FER: variants seen among roughly 807,000 people sequenced by gnomAD.
The protein encoded by FER is tyrosine-protein kinase Fer.
Under a neutral mutation model 111.0 loss-of-function variants are expected in FER, and 63 were observed. The ratio of observed to expected loss-of-function variants is 0.57; its 90% CI spans 0.46 to 0.70. FER has a LOEUF of 0.70. Ranked by LOEUF, FER falls within the 30% of genes least tolerant of loss-of-function variation. The probability of loss-of-function intolerance (pLI) is 0.00; values close to 1 mark genes in which losing one functional copy is unlikely to be tolerated. For missense variants in FER, 914 were observed against 954.0 expected (o/e 0.96, Z 0.55); for synonymous variants, 327 against 313.9 (o/e 1.04, Z -0.44).
intron 13 of FER, among the ~76,000 whole-genome samples, chr5:109,030,694 C>A (rs537614598): frequency 2.0e-5 from 3 of 152,240 alleles, no homozygotes; most frequent in Admixed American, 6.5e-5. Flanking sequence ...GTTTGGTAGA[C>A]TTCTCCTGCC....
At chr5:108,928,458 C>A (rs1754094445) in intron 10 of FER, among the ~76,000 whole-genome samples, 1 of 151,978 alleles carries the variant, frequency 6.6e-6, no homozygotes, top group South Asian at 2.1e-4. Flanking sequence ...TTCGTGAGTT[C>A]TTGAAATGTA....
In FER at chr5:109,196,138, AT is replaced by A. The variant is rs1759731865; in HGVS notation, c.*8564del. 1 of 152,216 alleles carries A rather than the reference AT, an allele frequency of 6.6e-6. No individual in the cohort carries two copies. Among genetic ancestry groups the A allele is most frequent in the Non-Finnish European group, 1.5e-5 (1 of 68,042 alleles). 9.4% of individuals were successfully genotyped at this position (152,216 alleles called of 1,614,324 possible). ...CAAGCAAATTGAAAGCCAAGACAAA[AT>A]GTACAAATGGTGCCCATGCCATTCA... On this transcript the variant is annotated 3_prime_UTR_variant, in exon 20 of 20. Coordinates refer to ENST00000281092, the MANE Select transcript of FER (RefSeq NM_005246.4).
At chr5:108,775,126 C>T (rs962630038) in intron 2 of FER, among the ~76,000 whole-genome samples, 1 of 152,136 alleles carries the variant, frequency 6.6e-6, no homozygotes, top group Admixed American at 6.6e-5. Flanking sequence ...CCAGTTTTCT[C>T]AGCACCATTT....
At chr5:108,851,556 TA>T (rs997118379) in intron 5 of FER, among the ~76,000 whole-genome samples, 7 of 151,678 alleles carry the variant, frequency 4.6e-5, no homozygotes, top group Non-Finnish European at 8.8e-5. Flanking sequence ...TTGTTCAAAG[TA>T]AAAAAAACAA....
intron 10 of FER, among the ~76,000 whole-genome samples, chr5:108,934,994 G>A (rs1267045809): frequency 6.6e-6 from 1 of 152,108 alleles, no homozygotes; most frequent in Non-Finnish European, 1.5e-5. Flanking sequence ...TGTGAATCAT[G>A]CAATTCTTAA....
intron 1 of FER, among the ~76,000 whole-genome samples, chr5:108,753,797 A>G (rs1436643665): frequency 6.6e-6 from 1 of 152,194 alleles, no homozygotes; most frequent in Non-Finnish European, 1.5e-5. Context: ...ATACAGTTTA[A>G]ATGGGCAGAC....
chr5:109,034,963 G>A (rs1426917512), intron 13 of FER, among the ~76,000 whole-genome samples: 1 of 147,616 alleles, frequency 6.8e-6, no homozygotes, highest in African/African-American at 2.5e-5. Context: ...TTATGGATGT[G>A]TAATTTATAT....
At position 109,190,162 on chromosome 5, in the gene FER, T is replaced by C. The variant is rs1759276622; in HGVS notation, c.*2587T>C. On this transcript the variant is annotated 3_prime_UTR_variant, in exon 20 of 20. Coordinates refer to ENST00000281092, the MANE Select transcript of FER (RefSeq NM_005246.4). ...CTGATAATTAATTATTGGAATTATA[T>C]ACTTTAGGAGGCTAATCCATGCCCA... 6.6e-6 allele frequency: 1 copy of C among 152,168 alleles called. No individual in the cohort carries two copies. The highest frequency in any genetic ancestry group is 2.1e-4 in the South Asian group (1 of 4,836). The allele number at this position is 152,168 out of a possible 1,614,324, so 9.4% of individuals were successfully genotyped here. A position where few individuals can be genotyped will look rare whatever the true frequency, so the allele number is the denominator to read the frequency against.
chr5:109,125,459 A>T (rs1432190016), intron 17 of FER, among the ~76,000 whole-genome samples: 1 of 152,214 alleles, frequency 6.6e-6, no homozygotes, highest in East Asian at 1.9e-4. Flanking sequence ...AACATCTGTG[A>T]CTAAGTTCAC....
intron 17 of FER, among the ~76,000 whole-genome samples, chr5:109,127,682 G>GC (rs1413509007): frequency 6.6e-6 from 1 of 152,044 alleles, no homozygotes; most frequent in Non-Finnish European, 1.5e-5. Context: ...TGGGATTACA[G>GC]CGTGAGCCAC....
At chr5:108,998,729 C>G (rs1764334611) in intron 13 of FER, among the ~76,000 whole-genome samples, 1 of 152,018 alleles carries the variant, frequency 6.6e-6, no homozygotes, top group Non-Finnish European at 1.5e-5. Context: ...TGGTTTTTGT[C>G]TTTAGTTCTG....
intron 8 of FER, among the ~76,000 whole-genome samples, chr5:108,878,112 G>A (rs35767331): frequency 0.057 from 8,665 of 152,028 alleles, 346 homozygotes; most frequent in Non-Finnish European, 0.082. Flanking sequence ...TCACCATGTT[G>A]GCCAGGCTGG....
chr5:109,003,723 T>C (rs1050178288), intron 13 of FER, among the ~76,000 whole-genome samples: 4 of 152,162 alleles, frequency 2.6e-5, no homozygotes, highest in African/African-American at 9.7e-5. Flanking sequence ...CTCTTACATG[T>C]AATCCCAGCA....
Position 109,191,308 on chromosome 5 carries a change from T to C in FER, c.*3733T>C, listed in dbSNP as rs145514693. The C allele has an allele frequency of 6.1e-3, 935 of 152,322 alleles. 10 individuals carry two copies. The highest frequency in any genetic ancestry group is 0.022 in the African/African-American group (900 of 41,570). 9.4% of individuals were successfully genotyped at this position (152,322 alleles called of 1,614,324 possible). A position where few individuals can be genotyped will look rare whatever the true frequency, so the allele number is the denominator to read the frequency against. On this transcript the variant is annotated 3_prime_UTR_variant, in exon 20 of 20. Transcript: ENST00000281092. The stretch of plus-strand genomic sequence containing the variant: ...ATGTACCTGAAAACCTTACTTAGTA[T>C]ACTGTGTACACTGTTTAATGGCCAT...
intron 16 of FER, among the ~76,000 whole-genome samples, chr5:109,067,506 A>G (rs540062411): frequency 5.9e-4 from 90 of 152,130 alleles, no homozygotes; most frequent in Non-Finnish European, 1.0e-3. Flanking sequence ...ATCACAAATG[A>G]TAGCTTATAC....
Position 109,160,667 on chromosome 5 carries a change from G to A in FER, c.2049-20080G>A, listed in dbSNP as rs143900043. ...TAATTTTGTCTAATTGTAAAATGCCGAAGTAGACACAATTTGGCAGCCCTT... is the reference window on the plus strand; with the variant it reads ...TAATTTTGTCTAATTGTAAAATGCCAAAGTAGACACAATTTGGCAGCCCTT... On this transcript the variant is annotated intron_variant, in intron 17 of 19. Transcript: ENST00000281092. Among the ~76,000 whole-genome samples the A allele has an allele frequency of 2.4e-3, 362 of 152,110 alleles. 2 individuals are homozygous for A. Among genetic ancestry groups the A allele is most frequent in the African/African-American group, 8.1e-3 (336 of 41,542 alleles).
chr5:109,012,959 T>C (rs984000292), intron 13 of FER, among the ~76,000 whole-genome samples: 2 of 152,090 alleles, frequency 1.3e-5, no homozygotes, highest in African/African-American at 4.8e-5. Context: ...AACTCACTTA[T>C]TTCTCCCTTG....
intron 17 of FER, among the ~76,000 whole-genome samples, chr5:109,115,724 C>T (rs573858426): frequency 5.3e-5 from 8 of 151,964 alleles, no homozygotes; most frequent in Non-Finnish European, 1.2e-4. Context: ...TCAGAATTTT[C>T]AGCTTCCAAT....
chr5:108,752,187 A>G (rs761068872), intron 1 of FER, among the ~76,000 whole-genome samples: 1 of 152,050 alleles, frequency 6.6e-6, no homozygotes. Flanking sequence ...GGATTTTTTA[A>G]AATCAAGGCT....
Sources: allele counts gnomAD v4.1 joint callset (sites outside exome capture counted in the v4.1 genomes callset), GRCh38; gene constraint gnomAD v4.1.1; transcripts MANE v1.5; gene names NCBI Gene and HGNC (gene_info 2026-07-23, HGNC 2026-07-21).